LTBP2: variants seen among roughly 807,000 people sequenced by gnomAD.
The protein encoded by LTBP2 is latent transforming growth factor beta binding protein 2.
In LTBP2, 103 loss-of-function variants were observed where a neutral mutation model predicts 210.6. That is an observed-to-expected ratio of 0.49 (90% CI 0.42 to 0.58). The LOEUF (loss-of-function observed/expected upper bound fraction) is 0.58, where lower values mean the gene tolerates loss of function less well. Ranked by LOEUF, LTBP2 falls within the 20% of genes least tolerant of loss-of-function variation. LTBP2 has a pLI of 0.00. For missense variants in LTBP2, 2,313 were observed against 2,494.5 expected, an observed-to-expected ratio of 0.93 and a Z score of 1.55; for synonymous variants, 1,007 against 1,015.0, an observed-to-expected ratio of 0.99 and a Z score of 0.15.
chr14:74,502,993 CTGGCTTTGTCTCTGGG>C, intron 33 of LTBP2, 59 bp from the exon 34 acceptor site: 1 of 1,598,132 alleles, frequency 6.3e-7, no homozygotes, highest in African/African-American at 1.3e-5. Flanking sequence ...TAAAGCCTGG[CTGGCTTTGTCTCTGGG>C]AGCATGCAAG....
intron 2 of LTBP2, among the ~76,000 whole-genome samples, chr14:74,601,494 A>G (rs926375965): frequency 6.6e-6 from 1 of 152,192 alleles, no homozygotes; most frequent in African/African-American, 2.4e-5. Flanking sequence ...CCAGGCATCC[A>G]CGTTCCCTGA....
rs113181312 is a variant in LTBP2, at chr14:74,585,312, G to C, written c.830+542C>G. Among the ~76,000 whole-genome samples, 1,043 of 152,334 alleles carry C rather than the reference G, an allele frequency of 6.8e-3. 12 individuals are homozygous for C. The highest frequency in any genetic ancestry group is 0.024 in the African/African-American group (994 of 41,580). On this transcript the variant is annotated intron_variant, in intron 3 of 35. Coordinates refer to ENST00000261978, the MANE Select transcript of LTBP2 (RefSeq NM_000428.3). ...AGAGGAGTCCTTCCTACATCACAGG[G>C]ACCACAGGCAGAGGAGGAGGAGGTC...
chr14:74,570,914 G>A (rs147870437), intron 3 of LTBP2, among the ~76,000 whole-genome samples: 67 of 152,208 alleles, frequency 4.4e-4, no homozygotes, highest in African/African-American at 9.4e-4. Flanking sequence ...TCTGATGACC[G>A]CTGCTGCATT....
intron 32 of LTBP2, 35 bp from the exon 33 acceptor site, chr14:74,503,421 C>T (rs1421321634): frequency 1.2e-6 from 2 of 1,609,914 alleles, no homozygotes; most frequent in Non-Finnish European, 1.7e-6. Flanking sequence ...CATGAGCCCC[C>T]CAGCCCAGGT....
At position 74,532,467 on chromosome 14, in the gene LTBP2, C is replaced by T. The variant is rs763330350; in HGVS notation, c.1946G>A (p.Arg649Lys). Residue 649 changes from arginine to lysine, a missense_variant, in exon 10 of 36, where the codon AGA becomes AAA. Transcript: ENST00000261978. ...NTRGSYLCTC[R>K]PGLMLDPSRS... ...CGATGGATCCAGCATGAGGCCAGGT[C>T]TGCATGTGCACAGGTAGCTGCCCCT... is the stretch of plus-strand genomic sequence containing the variant. 2.5e-6 allele frequency: 4 copies of T among 1,614,222 alleles called. No individual in the cohort carries two copies. Among genetic ancestry groups the T allele is most frequent in the Non-Finnish European group, 3.4e-6 (4 of 1,180,034 alleles).
intron 4 of LTBP2, among the ~76,000 whole-genome samples, chr14:74,554,994 G>T (rs1363561158): frequency 6.6e-6 from 1 of 151,988 alleles, no homozygotes; most frequent in Non-Finnish European, 1.5e-5. Context: ...GGGAGGCCTG[G>T]AGTAGCTGCT....
chr14:74,585,722 G>A lies in LTBP2; in HGVS notation c.830+132C>T. 4.2e-6 allele frequency: 6 copies of A among 1,414,672 alleles called. No homozygotes were observed. In the South Asian group the frequency reaches 5.2e-5, roughly 12 times the overall value. 87.6% of individuals were successfully genotyped at this position (1,414,672 alleles called of 1,614,324 possible). A position where few individuals can be genotyped will look rare whatever the true frequency, so the allele number is the denominator to read the frequency against. ...TCTGGCCATGCCAGGGAAAGCCAAG[G>A]AGGGTGGGGAGGAGAGAAGGGAGGA... On this transcript the variant is annotated intron_variant, in intron 3 of 35. Coordinates refer to ENST00000261978, the MANE Select transcript of LTBP2 (RefSeq NM_000428.3).
At position 74,509,735 on chromosome 14, in the gene LTBP2, T is replaced by C; in HGVS notation, c.3276A>G (p.Glu1092=). The change falls in exon 21 of 36, where the codon GAA becomes GAG. Residue 1092 remains glutamate, a splice_region_variant and synonymous_variant. Transcript: ENST00000261978. ...CCACCACTGCCTCCCCAGGGTTACC[T>C]TCACAGGCAGTGCCGTCTTCATTCA... ...YWVNEDGTAC[E]DLDECAFPGV... The C allele has an allele frequency of 2.5e-6, 4 of 1,614,082 alleles. No individual in the cohort carries two copies. Among genetic ancestry groups the C allele is most frequent in the Non-Finnish European group, 2.5e-6 (3 of 1,180,012 alleles).
intron 9 of LTBP2, among the ~76,000 whole-genome samples, chr14:74,535,041 C>T (rs1227160468): frequency 2.0e-5 from 3 of 152,148 alleles, no homozygotes. Context: ...ATACGTATTT[C>T]TCCCTACATC....
At chr14:74,588,238 T>C (rs946376923) in intron 2 of LTBP2, among the ~76,000 whole-genome samples, 1 of 152,214 alleles carries the variant, frequency 6.6e-6, no homozygotes, top group African/African-American at 2.4e-5. Flanking sequence ...GGTTTTTGTT[T>C]TGAGACGGAG....
intron 3 of LTBP2, among the ~76,000 whole-genome samples, chr14:74,577,819 T>A (rs1287320834): frequency 6.7e-6 from 1 of 148,682 alleles, no homozygotes; most frequent in Admixed American, 6.7e-5. Flanking sequence ...CATTAGCTCT[T>A]GAGCTTAGAG....
Position 74,552,232 on chromosome 14 carries a change from G to T in LTBP2, c.1354C>A (p.Pro452Thr). The T allele has an allele frequency of 6.2e-7, 1 of 1,612,720 alleles. No individual in the cohort carries two copies. Among genetic ancestry groups the T allele is most frequent in the Non-Finnish European group, 8.5e-7 (1 of 1,179,776 alleles). ...AGTGTGAAAGTGGACTGCTTCAGTG[G>T]GGCTTCCAGCAAGGCCCTGGGGCGG... ...GSRPRALLEA[P>T]LKQSTFTLPL... Residue 452 changes from proline to threonine, a missense_variant, in exon 6 of 36, where the codon CCA becomes ACA. Physicochemically the swap from Pro to Thr is conservative, Grantham distance 38 (BLOSUM62 -1). This residue lies in a region of LTBP2 where 1,867 missense variants were observed against 1,976.9 expected (regional missense o/e 0.94). Transcript: ENST00000261978.
At chr14:74,569,510 T>A (rs2087947006) in intron 3 of LTBP2, among the ~76,000 whole-genome samples, 1 of 152,088 alleles carries the variant, frequency 6.6e-6, no homozygotes, top group South Asian at 2.1e-4. Context: ...AAGGCCTGGG[T>A]TTCCCCTGGC....
At chr14:74,540,809 A>ATTATATATATATTTAT (rs1491126915) in intron 8 of LTBP2, among the ~76,000 whole-genome samples, 58 of 63,804 alleles carry the variant, frequency 9.1e-4, no homozygotes, top group South Asian at 6.8e-3. Context: ...ATATATATAT[A>ATTATATATATATTTAT]ATATATATAT....
Position 74,611,705 on chromosome 14 carries a change from C to G in LTBP2, c.240G>C (p.Ala80=). Residue 80 remains alanine, a synonymous_variant, in exon 1 of 36, where the codon GCG becomes GCC. Transcript: ENST00000261978. ...SLFREQDAPV[A]GLQPVERAQP... Reference sequence around the variant, plus strand: ...GGGCCCGCTCCACGGGCTGCAAGCCCGCGACAGGCGCGTCCTGCTCCCGGA... The same window carrying G: ...GGGCCCGCTCCACGGGCTGCAAGCCGGCGACAGGCGCGTCCTGCTCCCGGA... 1.3e-6 allele frequency: 2 copies of G among 1,589,264 alleles called. No homozygotes were observed. Among genetic ancestry groups the G allele is most frequent in the Non-Finnish European group, 1.7e-6 (2 of 1,173,770 alleles).
rs1323555762 is a variant in LTBP2, at chr14:74,500,275, T to G, written c.*609A>C. 9 of 240,604 alleles carry G rather than the reference T, an allele frequency of 3.7e-5. No individual in the cohort carries two copies. In the East Asian group the frequency reaches 5.3e-4, roughly 14 times the overall value. The allele number at this position is 240,604 out of a possible 1,614,324, so 14.9% of individuals were successfully genotyped here. ...AACAAGCTAATATCAGCCTTGCTTC[T>G]CTGAGTGAAGGGATCTTCTGCCACT... is the stretch of plus-strand genomic sequence containing the variant. On this transcript the variant is annotated 3_prime_UTR_variant, in exon 36 of 36. Transcript: ENST00000261978.
At chr14:74,541,559 G>A (rs1296859365) in intron 8 of LTBP2, among the ~76,000 whole-genome samples, 1 of 152,134 alleles carries the variant, frequency 6.6e-6, no homozygotes, top group Non-Finnish European at 1.5e-5. Flanking sequence ...CTGGGATTAT[G>A]AACTCAGGCA....
At chr14:74,564,319 T>A (rs868485926) in intron 3 of LTBP2, among the ~76,000 whole-genome samples, 3 of 20,726 alleles carry the variant, frequency 1.4e-4, no homozygotes, top group South Asian at 1.4e-3. Context: ...ATATATATAT[T>A]TATATATATA....
At chr14:74,571,917 T>A (rs2087983873) in intron 3 of LTBP2, among the ~76,000 whole-genome samples, 1 of 152,012 alleles carries the variant, frequency 6.6e-6, no homozygotes, top group South Asian at 2.1e-4. Flanking sequence ...AGTACTCCAC[T>A]TCCTTTTAGA....
Sources: allele counts gnomAD v4.1 joint callset (sites outside exome capture counted in the v4.1 genomes callset), GRCh38; gene constraint gnomAD v4.1.1; regional missense constraint gnomAD v4.1.1; transcripts MANE v1.5; gene names NCBI Gene and HGNC (gene_info 2026-07-23, HGNC 2026-07-21).